The following KAT2B variants were observed in gnomAD, a reference collection of about 807,000 sequenced individuals.
KAT2B encodes histone acetyltransferase KAT2B.
In KAT2B, 36 loss-of-function variants were observed where a neutral mutation model predicts 105.9. The ratio of observed to expected loss-of-function variants is 0.34; its 90% CI spans 0.26 to 0.45. The LOEUF (loss-of-function observed/expected upper bound fraction) is 0.45, where lower values mean the gene tolerates loss of function less well. KAT2B is among the 20% of genes least tolerant of loss of function. The pLI is 1.00. For missense variants in KAT2B, 820 were observed against 1,021.6 expected, an observed-to-expected ratio of 0.80 and a Z score of 2.69; for synonymous variants, 397 against 377.9, an observed-to-expected ratio of 1.05 and a Z score of -0.59.
At chr3:20,142,587 C>G (rs1389577461) in intron 13 of KAT2B, among the ~76,000 whole-genome samples, 1 of 151,848 alleles carries the variant, frequency 6.6e-6, no homozygotes, top group Non-Finnish European at 1.5e-5. Flanking sequence ...AGAGAGAAAA[C>G]TAGTATAGTT....
intron 9 of KAT2B, among the ~76,000 whole-genome samples, chr3:20,123,463 T>C (rs9809740): frequency 0.82 from 124,505 of 152,188 alleles, 51,561 homozygotes; most frequent in East Asian, 0.97. Flanking sequence ...AACATATTGT[T>C]TGCAGCTGTC....
At chr3:20,092,008 A>G (rs1698727048) in intron 2 of KAT2B, among the ~76,000 whole-genome samples, 1 of 152,138 alleles carries the variant, frequency 6.6e-6, no homozygotes, top group South Asian at 2.1e-4. Context: ...TGTCCTAGAG[A>G]AAATTTCATG....
At chr3:20,117,484 T>G (rs1451044271) in intron 7 of KAT2B, among the ~76,000 whole-genome samples, 1 of 152,240 alleles carries the variant, frequency 6.6e-6, no homozygotes, top group Non-Finnish European at 1.5e-5. Context: ...GCTTTCTCTT[T>G]GTTCAGAATC....
chr3:20,127,773 G>T (rs577721847), intron 11 of KAT2B, among the ~76,000 whole-genome samples: 1 of 152,334 alleles, frequency 6.6e-6, no homozygotes, highest in African/African-American at 2.4e-5. Flanking sequence ...TTAGGGCTAT[G>T]ATTTTGGGAT....
intron 1 of KAT2B, among the ~76,000 whole-genome samples, chr3:20,043,624 C>A (rs1697756371): frequency 6.6e-6 from 1 of 152,022 alleles, no homozygotes; most frequent in South Asian, 2.1e-4. Context: ...CTGAGCCAGA[C>A]CTTTGTTGCC....
At chr3:20,097,017 A>G (rs1575131412) in intron 3 of KAT2B, among the ~76,000 whole-genome samples, 1 of 152,170 alleles carries the variant, frequency 6.6e-6, no homozygotes, top group Non-Finnish European at 1.5e-5. Flanking sequence ...TGGATTCCCC[A>G]CAGCCATTAG....
At chr3:20,139,902 G>C (rs1173016639) in intron 12 of KAT2B, among the ~76,000 whole-genome samples, 4 of 152,082 alleles carry the variant, frequency 2.6e-5, no homozygotes, top group Non-Finnish European at 5.9e-5. Context: ...AATTTGCAAC[G>C]GTCATATTTA....
intron 11 of KAT2B, among the ~76,000 whole-genome samples, chr3:20,135,381 G>A (rs560323418): frequency 1.3e-4 from 20 of 152,148 alleles, no homozygotes; most frequent in Non-Finnish European, 2.2e-4. Context: ...GTGGCCGGGC[G>A]CGGTGGCTCA....
At chr3:20,125,871 T>A in intron 9 of KAT2B, 34 bp from the exon 10 acceptor site, 1 of 1,546,066 alleles carries the variant, frequency 6.5e-7, no homozygotes, top group Non-Finnish European at 8.9e-7. Context: ...AGAGAATAGC[T>A]CTGTGTAATT....
At chr3:20,126,215 T>G in intron 10 of KAT2B, 102 bp downstream of exon 10, 2 of 908,962 alleles carry the variant, frequency 2.2e-6, no homozygotes, top group Non-Finnish European at 3.4e-6. Flanking sequence ...CGAATACTAC[T>G]GCACCTGTCT....
intron 5 of KAT2B, among the ~76,000 whole-genome samples, chr3:20,105,881 A>G (rs917613459): frequency 1.3e-5 from 2 of 151,984 alleles, no homozygotes; most frequent in East Asian, 1.9e-4. Context: ...TTTGGGAAAC[A>G]GTTTTATTTA....
chr3:20,080,917 C>T (rs1021870644), intron 2 of KAT2B, among the ~76,000 whole-genome samples: 23 of 152,182 alleles, frequency 1.5e-4, no homozygotes, highest in African/African-American at 5.5e-4. Context: ...TTTTTAAACA[C>T]AGCTACTGGA....
intron 5 of KAT2B, among the ~76,000 whole-genome samples, chr3:20,110,951 T>A (rs1699110950): frequency 1.3e-5 from 2 of 152,160 alleles, no homozygotes; most frequent in Non-Finnish European, 2.9e-5. Context: ...AGAAGCTTAA[T>A]ACTTCCTACA....
In KAT2B at chr3:20,152,317, T is replaced by C. The variant is rs1699882095; in HGVS notation, c.2306-15T>C. On this transcript the variant is annotated splice_polypyrimidine_tract_variant and intron_variant, in intron 17 of 17. Transcript: ENST00000263754. ...AGGGAGTCAAAGATTGCTAATATTT[T>C]TTTTTCCTGTGCAGATCTGAAAACC... 6.3e-7 allele frequency: 1 copy of C among 1,597,652 alleles called. No homozygotes were observed. Among genetic ancestry groups the C allele is most frequent in the Non-Finnish European group, 8.6e-7 (1 of 1,169,172 alleles).
At chr3:20,059,500 G>A (rs187077089) in intron 1 of KAT2B, among the ~76,000 whole-genome samples, 2 of 148,652 alleles carry the variant, frequency 1.3e-5, no homozygotes, top group Admixed American at 1.4e-4. Flanking sequence ...GGTGGATCAC[G>A]AGGTCAGGAG....
At chr3:20,137,289 G>A (rs1461884715) in intron 12 of KAT2B, among the ~76,000 whole-genome samples, 1 of 152,158 alleles carries the variant, frequency 6.6e-6, no homozygotes, top group African/African-American at 2.4e-5. Context: ...TGTCAGTGAG[G>A]TATAATATTG....
chr3:20,150,045 A>G (rs1048700934), intron 17 of KAT2B, among the ~76,000 whole-genome samples: 1 of 152,088 alleles, frequency 6.6e-6, no homozygotes, highest in African/African-American at 2.4e-5. Context: ...CTGCTTTCTG[A>G]AAGTGTTTTG....
intron 8 of KAT2B, among the ~76,000 whole-genome samples, chr3:20,120,922 A>G (rs1267203370): frequency 3.3e-5 from 5 of 152,110 alleles, no homozygotes; most frequent in South Asian, 2.1e-4. Flanking sequence ...TCCAAGGGAG[A>G]TATCACTAAT....
At chr3:20,132,199 A>G (rs540086356) in intron 11 of KAT2B, among the ~76,000 whole-genome samples, 1 of 152,162 alleles carries the variant, frequency 6.6e-6, no homozygotes, top group East Asian at 1.9e-4. Flanking sequence ...ACATGGTGAA[A>G]CCCCATCTCT....
Sources: gnomAD v4.1 joint callset for allele counts (sites outside exome capture counted in the v4.1 genomes callset) on GRCh38, gnomAD v4.1.1 for gene constraint, MANE v1.5 for transcripts, NCBI Gene and HGNC (gene_info 2026-07-23, HGNC 2026-07-21) for gene names.